The following ABCC3 variants were observed in gnomAD, a reference collection of about 807,000 sequenced individuals.
ABCC3 encodes ATP binding cassette subfamily C member 3.
A neutral mutation model predicts 165.3 loss-of-function variants in ABCC3; 121 were observed. The ratio of observed to expected loss-of-function variants is 0.73; its 90% CI spans 0.63 to 0.85. ABCC3 has a LOEUF of 0.85. Ranked by LOEUF, ABCC3 falls within the 40% of genes least tolerant of loss-of-function variation. The pLI is 0.00. For missense variants in ABCC3, 1,869 were observed against 1,964.1 expected (o/e 0.95, Z 0.92); for synonymous variants, 733 against 810.1 (o/e 0.90, Z 1.62).
chr17:50,664,847 G>A, intron 10 of ABCC3: 1 of 333,042 alleles, frequency 3.0e-6, no homozygotes. Context: ...CAGAAGCCAG[G>A]GAGGAAAGAA....
intron 7 of ABCC3, among the ~76,000 whole-genome samples, chr17:50,660,208 G>T (rs376911748): frequency 2.6e-5 from 4 of 152,282 alleles, no homozygotes; most frequent in African/African-American, 9.6e-5. Flanking sequence ...TCTGGAGGCG[G>T]CGGCTGAATG....
At chr17:50,651,278 C>G (rs1597842799) in intron 1 of ABCC3, among the ~76,000 whole-genome samples, 1 of 152,104 alleles carries the variant, frequency 6.6e-6, no homozygotes, top group Non-Finnish European at 1.5e-5. Context: ...CTTTAAGTCT[C>G]TCTGTAAAAA....
At position 50,679,822 on chromosome 17, in the gene ABCC3, A is replaced by G. The variant is rs1196635253; in HGVS notation, c.3730A>G (p.Ile1244Val). Residue 1244 changes from isoleucine (I) to valine (V), a missense_variant, in exon 26 of 31, where the codon ATA becomes GTA. By Grantham distance (29) the Ile-to-Val change is conservative. Coordinates refer to ENST00000285238, the MANE Select transcript of ABCC3 (RefSeq NM_003786.4). ...GGTGACATTTGCTCTGAACTGGATGATACGAATGATGTCAGATTTGGAATC... is the reference window on the plus strand; with the variant it reads ...GGTGACATTTGCTCTGAACTGGATGGTACGAATGATGTCAGATTTGGAATC... ...LQVTFALNWM[I>V]RMMSDLESNI... 2.5e-6 allele frequency: 4 copies of G among 1,614,096 alleles called. No individual in the cohort carries two copies. Among genetic ancestry groups the G allele is most frequent in the Admixed American group, 1.7e-5 (1 of 60,010 alleles).
rs1371080821 is a variant in ABCC3 at position 50,677,797 on chromosome 17, C to T, written c.3432C>T (p.Arg1144=). 1.2e-6 allele frequency: 2 copies of T among 1,614,056 alleles called. No homozygotes were observed. The highest frequency in any genetic ancestry group is 1.3e-5 in the African/African-American group (1 of 74,906). Residue 1144 remains arginine (R), a synonymous_variant, in exon 24 of 31, where the codon CGC becomes CGT. Transcript: ENST00000285238. The part of the protein sequence containing the change: ...RQLKRLESVS[R]SPIYSHFSET... ...TGAAGCGGCTGGAATCAGTCAGCCG[C>T]TCACCTATCTACTCCCACTTTTCGG...
chr17:50,687,272 A>C (rs897305205), intron 29 of ABCC3: 11 of 462,394 alleles, frequency 2.4e-5, no homozygotes, highest in Non-Finnish European at 3.5e-5. Context: ...GGAAGAAAGC[A>C]CCGAGAGAGG....
intron 19 of ABCC3, 97 bp downstream of exon 19, chr17:50,673,755 A>G: frequency 2.3e-6 from 3 of 1,290,300 alleles, no homozygotes; most frequent in Non-Finnish European, 2.2e-6. Context: ...GTGTTGTGCC[A>G]GGCAGGTTCT....
At position 50,639,766 on chromosome 17, in the gene ABCC3, CCTTT is replaced by C. The variant is rs1246235910; in HGVS notation, c.45+4786_45+4789del. ...CTCTAGGCTTGGATTTTGGATTTCT[CCTTT>C]TTTTTTTTTTTGTGACAGAGTCTTG... On this transcript the variant is annotated intron_variant, in intron 1 of 30. Coordinates refer to ENST00000285238, the MANE Select transcript of ABCC3 (RefSeq NM_003786.4). 3.8e-5 allele frequency among the ~76,000 whole-genome samples: 5 copies of C among 132,714 alleles called. No individual in the cohort carries two copies. The Admixed American group carries it at 3.8e-4, about 10-fold the overall frequency. 87.1% of individuals were successfully genotyped at this position (132,714 alleles called of 152,430 possible). A position where few individuals can be genotyped will look rare whatever the true frequency, so the allele number is the denominator to read the frequency against.
chr17:50,661,947 A>G (rs1967399688), intron 8 of ABCC3, among the ~76,000 whole-genome samples: 1 of 152,232 alleles, frequency 6.6e-6, no homozygotes, highest in Admixed American at 6.5e-5. Context: ...TTAGTCACAA[A>G]GCCCTGAAAC....
At position 50,655,431 on chromosome 17, in the gene ABCC3, A is replaced by C. The variant is rs953741251; in HGVS notation, c.46-401A>C. Among the ~76,000 whole-genome samples, 5 of 150,990 alleles carry C rather than the reference A, an allele frequency of 3.3e-5. No individual in the cohort carries two copies. The South Asian group carries it at 6.3e-4, about 19-fold the overall frequency. On this transcript the variant is annotated intron_variant, in intron 1 of 30. Transcript: ENST00000285238. The stretch of plus-strand genomic sequence containing the variant: ...AAAAAAAAAAAAAAAACAAAAACAA[A>C]AAAAAAAGAGTGGGAATCCAGAATG...
rs902579528 is a variant in ABCC3, at chr17:50,669,533, A to G, written c.2241+5A>G. ...CAGACAGAGATTGGAGAGAAGGTAC[A>G]GAGTCCTCTTCCATCCCTAAGAGGC... On this transcript the variant is annotated splice_donor_5th_base_variant and intron_variant, in intron 17 of 30. Coordinates refer to ENST00000285238, the MANE Select transcript of ABCC3 (RefSeq NM_003786.4). 12 of 1,613,766 alleles carry G rather than the reference A, an allele frequency of 7.4e-6. No homozygotes were observed. Among genetic ancestry groups the G allele is most frequent in the Non-Finnish European group, 7.6e-6 (9 of 1,179,778 alleles).
At chr17:50,683,459 C>T in intron 26 of ABCC3, 151 bp from the exon 27 acceptor site, 1 of 753,618 alleles carries the variant, frequency 1.3e-6, no homozygotes, top group Non-Finnish European at 1.9e-6. Flanking sequence ...ATAAAGGAGT[C>T]ATTGAACACA....
chr17:50,684,205 T>C (rs1967980752), intron 28 of ABCC3, 98 bp downstream of exon 28: 1 of 1,471,454 alleles, frequency 6.8e-7, no homozygotes, highest in Non-Finnish European at 9.1e-7. Flanking sequence ...GACCCCAGTC[T>C]CAGAGGCTTG....
chr17:50,662,637 CAAAAAA>C (rs60389534), intron 8 of ABCC3, among the ~76,000 whole-genome samples: 5 of 74,902 alleles, frequency 6.7e-5, no homozygotes, highest in East Asian at 8.1e-4. Flanking sequence ...GACCCTGTCT[CAAAAAA>C]AAAAAAAAAA....
At chr17:50,690,536 G>A (rs1968105085) in intron 30 of ABCC3, among the ~76,000 whole-genome samples, 1 of 152,200 alleles carries the variant, frequency 6.6e-6, no homozygotes, top group Non-Finnish European at 1.5e-5. Flanking sequence ...TGTACCAGGT[G>A]CACTCGGTGA....
rs772734496 is a variant in ABCC3 at position 50,663,673 on chromosome 17, C to T, written c.999-8C>T. The T allele has an allele frequency of 3.8e-5, 61 of 1,613,824 alleles. No individual in the cohort carries two copies. Among genetic ancestry groups the T allele is most frequent in the Non-Finnish European group, 4.7e-5 (56 of 1,179,942 alleles). ...ACTGCCCACCTCACTCCTCTCTCCT[C>T]CCCACAGCATCCTGATCAGGTTTAT... On this transcript the variant is annotated splice_polypyrimidine_tract_variant and splice_region_variant and intron_variant, in intron 8 of 30. Transcript: ENST00000285238.
At chr17:50,656,597 G>C (rs1967253528) in intron 2 of ABCC3, 105 bp from the exon 3 acceptor site, 2 of 1,455,092 alleles carry the variant, frequency 1.4e-6, no homozygotes, top group Admixed American at 2.3e-5. Flanking sequence ...GCCAGTCCCA[G>C]GCAGGTCTAG....
In ABCC3 at chr17:50,668,868, T is replaced by C. The variant is rs1221068133; in HGVS notation, c.1886T>C (p.Ile629Thr). 1 of 1,613,772 alleles carries C rather than the reference T, an allele frequency of 6.2e-7. No homozygotes were observed. ...KTISPGYAIT[I>T]HSGTFTWAQD... Reference sequence around the variant, plus strand: ...GTCCTCTCAGGCTATGCCATCACCATACACAGTGGCACCTTCACCTGGGCC... The same window carrying C: ...GTCCTCTCAGGCTATGCCATCACCACACACAGTGGCACCTTCACCTGGGCC... Residue 629 changes from isoleucine to threonine, a missense_variant, in exon 15 of 31, where the codon ATA (isoleucine) becomes ACA (threonine). Coordinates refer to ENST00000285238, the MANE Select transcript of ABCC3 (RefSeq NM_003786.4).
chr17:50,656,588 C>T, intron 2 of ABCC3, 114 bp from the exon 3 acceptor site: 1 of 1,406,098 alleles, frequency 7.1e-7, no homozygotes. Context: ...GACCTCAGTG[C>T]CAGTCCCAGG....
At chr17:50,638,272 G>A (rs774502402) in intron 1 of ABCC3, among the ~76,000 whole-genome samples, 1 of 152,180 alleles carries the variant, frequency 6.6e-6, no homozygotes, top group South Asian at 2.1e-4. Flanking sequence ...TGTGGAGGAA[G>A]GGCCTGGAGG....
Sources: allele counts gnomAD v4.1 joint callset (sites outside exome capture counted in the v4.1 genomes callset), GRCh38; gene constraint gnomAD v4.1.1; transcripts MANE v1.5; gene names NCBI Gene and HGNC (gene_info 2026-07-23, HGNC 2026-07-21).